Variants in MAPK10 observed in about 807,000 individuals in gnomAD.
MAPK10 encodes the protein JNK3 alpha protein kinase.
Under a neutral mutation model 59.3 loss-of-function variants are expected in MAPK10, and 25 were observed. The ratio of observed to expected loss-of-function variants is 0.42; its 90% CI spans 0.31 to 0.59. The LOEUF (loss-of-function observed/expected upper bound fraction) is 0.59, where lower values mean the gene tolerates loss of function less well. Among genes scored for constraint, MAPK10 ranks in the 20% least tolerant of loss-of-function variants. The probability of loss-of-function intolerance (pLI) is 0.15; values close to 1 mark genes in which losing one functional copy is unlikely to be tolerated. For synonymous variants in MAPK10, 190 were observed against 200.5 expected (o/e 0.95, Z 0.44); for missense variants, 351 against 568.9 (o/e 0.62, Z 3.90).
chr4:86,198,776 T>C (rs1412693417), intron 2 of MAPK10, among the ~76,000 whole-genome samples: 3 of 151,620 alleles, frequency 2.0e-5, no homozygotes, highest in African/African-American at 4.8e-5. Context: ...ATAATTAGTA[T>C]AAAAAGTAGT....
chr4:86,146,767 T>C (rs760782868), intron 4 of MAPK10, among the ~76,000 whole-genome samples: 1 of 152,244 alleles, frequency 6.6e-6, no homozygotes, highest in Non-Finnish European at 1.5e-5. Context: ...TCTATTATGT[T>C]TGAGCTTCTA....
At chr4:86,208,816 T>G (rs893823703) in intron 2 of MAPK10, among the ~76,000 whole-genome samples, 1 of 152,022 alleles carries the variant, frequency 6.6e-6, no homozygotes, top group Non-Finnish European at 1.5e-5. Context: ...GTTTGCAGGA[T>G]TGTTTAGATA....
In MAPK10 at chr4:86,574,786, A is replaced by C. The variant is rs187536503; in HGVS notation, c.-263+19124T>G. Among the ~76,000 whole-genome samples the C allele has an allele frequency of 1.1e-3, 174 of 152,222 alleles. 2 individuals carry two copies. Among genetic ancestry groups the C allele is most frequent in the African/African-American group, 4.0e-3 (166 of 41,520 alleles). ...AATCTTTGGGAGGGGATGGGGGGCAAATTACACCATCTGAGAATGCTGATA... is the reference window on the plus strand; with the variant it reads ...AATCTTTGGGAGGGGATGGGGGGCACATTACACCATCTGAGAATGCTGATA... On this transcript the variant is annotated intron_variant, in intron 1 of 4. Transcript: ENST00000502302.
intron 1 of MAPK10, among the ~76,000 whole-genome samples, chr4:86,452,873 T>C (rs1242741644): frequency 6.6e-6 from 1 of 152,084 alleles, no homozygotes; most frequent in African/African-American, 2.4e-5. Flanking sequence ...CAAGAACCCA[T>C]GGACCCTCTA....
At chr4:86,566,292 G>A (rs984160184) in intron 1 of MAPK10, among the ~76,000 whole-genome samples, 3 of 152,070 alleles carry the variant, frequency 2.0e-5, no homozygotes, top group Non-Finnish European at 2.9e-5. Flanking sequence ...TAATAATGTT[G>A]GTGTGATGAT....
chr4:86,270,002 A>T (rs2094383353), intron 2 of MAPK10, among the ~76,000 whole-genome samples: 1 of 152,138 alleles, frequency 6.6e-6, no homozygotes, highest in South Asian at 2.1e-4. Flanking sequence ...AAGATGTTAC[A>T]TCTATTTATA....
intron 1 of MAPK10, among the ~76,000 whole-genome samples, chr4:86,402,640 A>G (rs556363569): frequency 2.0e-5 from 3 of 152,286 alleles, no homozygotes; most frequent in East Asian, 1.9e-4. Context: ...GTGAGAAAAA[A>G]TAGGGAGGGA....
chr4:86,495,125 T>C (rs1016609959), intron 1 of MAPK10, among the ~76,000 whole-genome samples: 5 of 152,254 alleles, frequency 3.3e-5, no homozygotes, highest in African/African-American at 4.8e-5. Context: ...GTTTAGGGTA[T>C]ACCTCCAACA....
At chr4:86,590,872 G>T (rs139613741) in intron 1 of MAPK10, among the ~76,000 whole-genome samples, 3 of 151,892 alleles carry the variant, frequency 2.0e-5, no homozygotes, top group African/African-American at 7.2e-5. Flanking sequence ...TTTCAACCTT[G>T]GTATTTAATT....
intron 4 of MAPK10, among the ~76,000 whole-genome samples, chr4:86,119,162 TTAAG>T (rs2058782141): frequency 6.6e-6 from 1 of 152,212 alleles, no homozygotes; most frequent in Admixed American, 6.5e-5. Flanking sequence ...TAATAATAAC[TTAAG>T]TAATAAAGAT....
At chr4:86,384,510 G>A (rs540903973) in intron 1 of MAPK10, among the ~76,000 whole-genome samples, 14 of 152,230 alleles carry the variant, frequency 9.2e-5, no homozygotes, top group Admixed American at 2.6e-4. Flanking sequence ...TGCGGAAAGC[G>A]AGCCTGATTT....
chr4:86,285,125 C>T (rs1237759270), intron 2 of MAPK10, among the ~76,000 whole-genome samples: 1 of 152,066 alleles, frequency 6.6e-6, no homozygotes, highest in Admixed American at 6.6e-5. Flanking sequence ...GGAATAAATG[C>T]AGTAGAGTAG....
chr4:86,320,293 C>CT (rs2095864401), intron 2 of MAPK10, among the ~76,000 whole-genome samples: 1 of 152,166 alleles, frequency 6.6e-6, no homozygotes, highest in Non-Finnish European at 1.5e-5. Context: ...AGATAAGGTT[C>CT]CACTGCACCT....
chr4:86,487,362 A>AGTGTGTGTGTGT (rs35053159), intron 1 of MAPK10, among the ~76,000 whole-genome samples: 31,062 of 148,578 alleles, frequency 0.21, 3,993 homozygotes, highest in Admixed American at 0.29. Flanking sequence ...AGAGAGAGAG[A>AGTGTGTGTGTGT]GTGTGTGTGT....
chr4:86,159,544 C>T (rs1379946053), intron 3 of MAPK10, 77 bp from the exon 4 acceptor site: 10 of 1,216,110 alleles, frequency 8.2e-6, no homozygotes, highest in Non-Finnish European at 1.2e-5. Context: ...GAAACTTGTT[C>T]TTTTAATGAT....
At chr4:86,149,331 A>G (rs2149203736) in intron 4 of MAPK10, among the ~76,000 whole-genome samples, 1 of 152,158 alleles carries the variant, frequency 6.6e-6, no homozygotes, top group South Asian at 2.1e-4. Flanking sequence ...AAGTGCCGCA[A>G]TCTCGGCTCA....
intron 1 of MAPK10, among the ~76,000 whole-genome samples, chr4:86,452,622 A>G (rs1750849857): frequency 1.3e-5 from 2 of 152,176 alleles, no homozygotes; most frequent in African/African-American, 4.8e-5. Context: ...ATTAAACTCA[A>G]CACACCATAG....
intron 1 of MAPK10, among the ~76,000 whole-genome samples, chr4:86,556,922 C>T (rs1578109308): frequency 6.6e-6 from 1 of 152,170 alleles, no homozygotes; most frequent in South Asian, 2.1e-4. Flanking sequence ...TCTGTTGTAA[C>T]TTCCCCAAGT....
At chr4:86,527,671 G>A (rs1757570542) in intron 1 of MAPK10, among the ~76,000 whole-genome samples, 1 of 152,164 alleles carries the variant, frequency 6.6e-6, no homozygotes, top group Admixed American at 6.5e-5. Flanking sequence ...TATATAGCCA[G>A]AGGAAAATAA....
Sources: allele counts gnomAD v4.1 joint callset (sites outside exome capture counted in the v4.1 genomes callset), GRCh38; gene constraint gnomAD v4.1.1; transcripts MANE v1.5; gene names NCBI Gene and HGNC (gene_info 2026-07-23, HGNC 2026-07-21).